The following VWA8 variants were observed in gnomAD, a reference collection of about 807,000 sequenced individuals.
The protein encoded by VWA8 is von Willebrand factor A domain containing 8.
In VWA8, 221 loss-of-function variants were observed where a neutral mutation model predicts 241.5. The ratio of observed to expected loss-of-function variants is 0.91; its 90% CI spans 0.82 to 1.02. VWA8 has a LOEUF of 1.02. Ranked by LOEUF, VWA8 falls within the 50% of genes least tolerant of loss-of-function variation. The pLI, the probability that VWA8 is intolerant of heterozygous loss-of-function variation, is 0.00. For missense variants in VWA8, 2,322 were observed against 2,328.7 expected (o/e 1.00, Z 0.06); for synonymous variants, 852 against 827.1 (o/e 1.03, Z -0.52).
At chr13:41,753,081 T>G (rs1482551952) in intron 21 of VWA8, among the ~76,000 whole-genome samples, 1 of 152,176 alleles carries the variant, frequency 6.6e-6, no homozygotes, top group Non-Finnish European at 1.5e-5. Flanking sequence ...AAAGAAGGCA[T>G]GCATACAAAT....
At chr13:41,829,882 GA>G (rs1374174364) in intron 14 of VWA8, among the ~76,000 whole-genome samples, 1 of 152,046 alleles carries the variant, frequency 6.6e-6, no homozygotes, top group Non-Finnish European at 1.5e-5. Context: ...CGCCACTAAA[GA>G]ACTTATCCCT....
chr13:41,871,422 A>T (rs1873606693), intron 9 of VWA8, among the ~76,000 whole-genome samples: 2 of 152,142 alleles, frequency 1.3e-5, no homozygotes, highest in South Asian at 4.1e-4. Context: ...GTCATCTAGC[A>T]TTAGGTATAT....
In VWA8 at chr13:41,865,821, TG is replaced by T; in HGVS notation, c.1348-9del. The T allele has an allele frequency of 6.2e-7, 1 of 1,614,024 alleles. No homozygotes were observed. The highest frequency in any genetic ancestry group is 8.5e-7 in the Non-Finnish European group (1 of 1,179,982). ...CACTGTTTTTCCACAACCCTACAAA[TG>T]GAAAAAATTATTCAAGAGGTAAGTC... On this transcript the variant is annotated splice_polypyrimidine_tract_variant and intron_variant, in intron 11 of 44. Transcript: ENST00000379310.
intron 40 of VWA8, among the ~76,000 whole-genome samples, chr13:41,591,214 G>A (rs926063794): frequency 3.3e-5 from 5 of 152,196 alleles, no homozygotes; most frequent in African/African-American, 1.2e-4. Context: ...GACTTAGAGT[G>A]CAAATGGAAA....
At chr13:41,609,734 TCTTTCTCTCC>T (rs2044575195) in intron 39 of VWA8, among the ~76,000 whole-genome samples, 1 of 152,090 alleles carries the variant, frequency 6.6e-6, no homozygotes, top group Non-Finnish European at 1.5e-5. Flanking sequence ...TGTTTCTATT[TCTTTCTCTCC>T]TTTCTCACAC....
chr13:41,838,361 T>C (rs569528981), intron 12 of VWA8, among the ~76,000 whole-genome samples: 9 of 152,300 alleles, frequency 5.9e-5, no homozygotes, highest in African/African-American at 2.2e-4. Context: ...TATAGTACAT[T>C]GTTAGTGTGT....
intron 12 of VWA8, among the ~76,000 whole-genome samples, chr13:41,840,254 G>C (rs1157286716): frequency 6.6e-6 from 1 of 152,064 alleles, no homozygotes. Flanking sequence ...TCACAAGGGG[G>C]AGTTGAATGA....
At chr13:41,905,170 A>T (rs1875648573) in intron 4 of VWA8, 1 of 152,116 alleles carries the variant, frequency 6.6e-6, no homozygotes, top group African/African-American at 2.4e-5. Context: ...AAAGAAGATT[A>T]GCATGACCCC....
At chr13:41,703,433 G>A (rs1403166035) in intron 26 of VWA8, 22 bp from the exon 27 acceptor site, 6 of 1,605,050 alleles carry the variant, frequency 3.7e-6, no homozygotes, top group Non-Finnish European at 5.1e-6. Context: ...GATTTGCAAA[G>A]TAAATATTTC....
intron 37 of VWA8, among the ~76,000 whole-genome samples, chr13:41,636,268 T>C (rs1593665009): frequency 1.3e-5 from 2 of 152,160 alleles, no homozygotes; most frequent in African/African-American, 4.8e-5. Context: ...TCAGAAATAA[T>C]GCTGCATATC....
intron 24 of VWA8, among the ~76,000 whole-genome samples, chr13:41,722,020 T>C (rs1387243744): frequency 6.6e-6 from 1 of 152,172 alleles, no homozygotes; most frequent in South Asian, 2.1e-4. Flanking sequence ...TTAATGGGAA[T>C]ATATATTTCA....
intron 43 of VWA8, among the ~76,000 whole-genome samples, chr13:41,573,783 A>AATT (rs1359781366): frequency 6.6e-6 from 1 of 150,524 alleles, no homozygotes; most frequent in Non-Finnish European, 1.5e-5. Context: ...ATGCCCAGCT[A>AATT]ATTTTTTTTT....
chr13:41,720,342 G>A (rs1436644742), intron 25 of VWA8, among the ~76,000 whole-genome samples: 1 of 152,074 alleles, frequency 6.6e-6, no homozygotes, highest in East Asian at 1.9e-4. Context: ...TGAGCTGGCT[G>A]AATTGGACTT....
chr13:41,661,959 CTG>C (rs915919715), intron 37 of VWA8, among the ~76,000 whole-genome samples: 3 of 152,122 alleles, frequency 2.0e-5, no homozygotes, highest in Non-Finnish European at 2.9e-5. Flanking sequence ...GGCAATATGT[CTG>C]TGGGTCTAAT....
At chr13:41,872,380 C>G (rs2138059678) in intron 9 of VWA8, among the ~76,000 whole-genome samples, 1 of 152,260 alleles carries the variant, frequency 6.6e-6, no homozygotes, top group Admixed American at 6.5e-5. Flanking sequence ...AAGTCCTTGC[C>G]CATGCCTATG....
Position 41,900,690 on chromosome 13 carries a change from C to CA in VWA8, c.483+6895dup, listed in dbSNP as rs558105413. 1.4e-3 allele frequency among the ~76,000 whole-genome samples: 215 copies of CA among 150,150 alleles called. 1 individual carries two copies. The highest frequency in any genetic ancestry group is 3.0e-3 in the Admixed American group (46 of 15,082). The stretch of plus-strand genomic sequence containing the variant: ...CAGTTTAAGAGTCAAAGCAGTACTG[C>CA]AAAAAAAAATTTAAAGTAACTGAAC... On this transcript the variant is annotated intron_variant, in intron 4 of 44. Transcript: ENST00000379310.
At chr13:41,828,507 T>A (rs1369052629) in intron 14 of VWA8, among the ~76,000 whole-genome samples, 1 of 152,160 alleles carries the variant, frequency 6.6e-6, no homozygotes, top group Non-Finnish European at 1.5e-5. Flanking sequence ...CTTCAAACTT[T>A]TTGTTTTGAA....
At chr13:41,573,742 C>T (rs955234724) in intron 43 of VWA8, among the ~76,000 whole-genome samples, 13 of 151,530 alleles carry the variant, frequency 8.6e-5, no homozygotes, top group South Asian at 4.2e-4. Context: ...CTCAGCCTCC[C>T]GGGTGGCTGG....
Position 41,949,179 on chromosome 13 carries a change from T to C in VWA8, c.241+757A>G, listed in dbSNP as rs1201623335. Among the ~76,000 whole-genome samples, 38 of 152,050 alleles carry C rather than the reference T, an allele frequency of 2.5e-4. 1 individual carries two copies. Among genetic ancestry groups the C allele is most frequent in the Admixed American group, 2.4e-3 (37 of 15,260 alleles). On this transcript the variant is annotated intron_variant, in intron 2 of 44. Transcript: ENST00000379310. The stretch of plus-strand genomic sequence containing the variant: ...GTCAAAACCAACCAAAATAAATACT[T>C]AAGATCTGTGCATCTGTTCACGATA...
Sources: allele counts gnomAD v4.1 joint callset (sites outside exome capture counted in the v4.1 genomes callset), GRCh38; gene constraint gnomAD v4.1.1; transcripts MANE v1.5; gene names NCBI Gene and HGNC (gene_info 2026-07-23, HGNC 2026-07-21).